Variants in NPAS3 observed in about 807,000 individuals in gnomAD.
The protein encoded by NPAS3 is neuronal PAS domain protein 3, also known as neuronal PAS domain-containing protein 3.
In NPAS3, 14 loss-of-function variants were observed where a neutral mutation model predicts 73.1. That is an observed-to-expected ratio of 0.19 (90% CI 0.13 to 0.30). NPAS3 has a LOEUF of 0.30. NPAS3 is among the 10% of genes least tolerant of loss of function. The pLI, the probability that NPAS3 is intolerant of heterozygous loss-of-function variation, is 1.00. For synonymous variants in NPAS3, 620 were observed against 541.5 expected (o/e 1.14, Z -2.01); for missense variants, 1,096 against 1,250.0 (o/e 0.88, Z 1.86).
At chr14:32,993,073 C>G (rs1199687696) in intron 1 of NPAS3, among the ~76,000 whole-genome samples, 1 of 151,534 alleles carries the variant, frequency 6.6e-6, no homozygotes, top group Non-Finnish European at 1.5e-5. Context: ...TATCTTGAAC[C>G]CGGGCAGTGG....
In NPAS3 at chr14:33,001,257, T is replaced by C. The variant is rs148476774; in HGVS notation, c.51-54648T>C. The stretch of plus-strand genomic sequence containing the variant: ...AAAATGGAGGATAATCTGTGGGAGG[T>C]ATATATGGGGCCAGCTTGGAAGTAA... On this transcript the variant is annotated intron_variant, in intron 1 of 11. Coordinates refer to ENST00000356141, the Ensembl canonical transcript of NPAS3. Among the ~76,000 whole-genome samples, 281 of 151,898 alleles carry C rather than the reference T, an allele frequency of 1.8e-3. 3 individuals carry two copies. The highest frequency in any genetic ancestry group is 6.5e-3 in the African/African-American group (271 of 41,404).
intron 4 of NPAS3, among the ~76,000 whole-genome samples, chr14:33,437,495 T>C (rs1422252080): frequency 1.3e-5 from 2 of 152,080 alleles, no homozygotes; most frequent in Non-Finnish European, 1.5e-5. Flanking sequence ...GATTCTAGAG[T>C]AGAGTATTCA....
chr14:33,477,413 C>T (rs2051091622), intron 4 of NPAS3, among the ~76,000 whole-genome samples: 1 of 152,146 alleles, frequency 6.6e-6, no homozygotes, highest in South Asian at 2.1e-4. Flanking sequence ...GTTGACATTG[C>T]TCTCACCGTC....
chr14:33,552,112 G>A (rs890331494), intron 4 of NPAS3, among the ~76,000 whole-genome samples: 3 of 152,234 alleles, frequency 2.0e-5, no homozygotes, highest in Non-Finnish European at 2.9e-5. Context: ...TCCTGGGCTT[G>A]ATGTATAATA....
At chr14:33,338,154 G>A (rs1041487128) in intron 3 of NPAS3, among the ~76,000 whole-genome samples, 3 of 152,120 alleles carry the variant, frequency 2.0e-5, no homozygotes, top group African/African-American at 4.8e-5. Context: ...AACTTTTGAT[G>A]TAGCTTCAAG....
chr14:33,066,667 A>T (rs2041292196), intron 2 of NPAS3, among the ~76,000 whole-genome samples: 1 of 152,292 alleles, frequency 6.6e-6, no homozygotes, highest in South Asian at 2.1e-4. Context: ...CTGAGAATGC[A>T]AGACTCTGAA....
chr14:33,299,457 C>T (rs138345192), intron 3 of NPAS3, among the ~76,000 whole-genome samples: 1 of 151,980 alleles, frequency 6.6e-6, no homozygotes, highest in African/African-American at 2.4e-5. Context: ...TATTGGCAGC[C>T]ATCTTACCAC....
At chr14:33,359,862 A>G (rs1315132) in intron 3 of NPAS3, among the ~76,000 whole-genome samples, 129,639 of 152,210 alleles carry the variant, frequency 0.85, 55,294 homozygotes, top group Admixed American at 0.89. Flanking sequence ...GCGACACATG[A>G]TATCCCTGCC....
At chr14:33,690,670 C>T (rs1045446609) in intron 6 of NPAS3, among the ~76,000 whole-genome samples, 1 of 151,932 alleles carries the variant, frequency 6.6e-6, no homozygotes, top group African/African-American at 2.4e-5. Context: ...TTCTCAAATA[C>T]AAGAGTCATT....
intron 4 of NPAS3, among the ~76,000 whole-genome samples, chr14:33,369,505 G>T (rs1251241670): frequency 6.7e-6 from 1 of 148,214 alleles, no homozygotes; most frequent in African/African-American, 2.5e-5. Flanking sequence ...TTTACATTAT[G>T]TCCATACAAG....
chr14:33,439,493 G>A (rs2049141517), intron 4 of NPAS3, among the ~76,000 whole-genome samples: 1 of 152,172 alleles, frequency 6.6e-6, no homozygotes. Context: ...GTTCCTCAGA[G>A]CCGAGTTTCT....
At chr14:32,962,435 G>T (rs1032090007) in intron 1 of NPAS3, among the ~76,000 whole-genome samples, 14 of 151,990 alleles carry the variant, frequency 9.2e-5, no homozygotes, top group African/African-American at 3.1e-4. Context: ...GTTTATAAAT[G>T]GTAGCGTATT....
chr14:33,594,385 C>T (rs1279264687), intron 5 of NPAS3, among the ~76,000 whole-genome samples: 2 of 152,196 alleles, frequency 1.3e-5, no homozygotes, highest in Admixed American at 6.5e-5. Context: ...GGAGGACCAA[C>T]TATACTGTGG....
intron 6 of NPAS3, among the ~76,000 whole-genome samples, chr14:33,731,866 T>G (rs2061411065): frequency 6.6e-6 from 1 of 152,208 alleles, no homozygotes; most frequent in Admixed American, 6.5e-5. Flanking sequence ...ATTTCTTTAT[T>G]TAGCTTTTAG....
At chr14:33,626,750 G>GAGAT (rs2058230829) in intron 5 of NPAS3, among the ~76,000 whole-genome samples, 1 of 152,172 alleles carries the variant, frequency 6.6e-6, no homozygotes. Context: ...CCAGTGGAGG[G>GAGAT]AGATAGATAG....
intron 3 of NPAS3, among the ~76,000 whole-genome samples, chr14:33,240,995 A>C (rs2048197069): frequency 1.3e-5 from 2 of 151,972 alleles, no homozygotes; most frequent in Admixed American, 1.3e-4. Flanking sequence ...AATAAGTCTT[A>C]GCATGAGGCT....
chr14:33,125,437 AT>A (rs5807704), intron 2 of NPAS3, among the ~76,000 whole-genome samples: 11,530 of 151,598 alleles, frequency 0.076, 573 homozygotes, highest in Middle Eastern at 0.2. Flanking sequence ...AAAAAATGAG[AT>A]TTTTTTTTCC....
At chr14:33,628,931 T>C (rs949726753) in intron 5 of NPAS3, among the ~76,000 whole-genome samples, 3 of 152,288 alleles carry the variant, frequency 2.0e-5, no homozygotes, top group Non-Finnish European at 4.4e-5. Flanking sequence ...GCATAGTTGA[T>C]AGAAAACCAG....
At chr14:33,227,419 A>G (rs2139750000) in intron 3 of NPAS3, among the ~76,000 whole-genome samples, 1 of 152,290 alleles carries the variant, frequency 6.6e-6, no homozygotes, top group South Asian at 2.1e-4. Context: ...AGGGTGTCTT[A>G]GTTTGGACTG....
Sources: allele counts gnomAD v4.1 joint callset (sites outside exome capture counted in the v4.1 genomes callset), GRCh38; gene constraint gnomAD v4.1.1; transcripts MANE v1.5; gene names NCBI Gene and HGNC (gene_info 2026-07-23, HGNC 2026-07-21).